The following TOPBP1 variants were observed in gnomAD, a reference collection of about 807,000 sequenced individuals.
The protein encoded by TOPBP1 is DNA topoisomerase 2-binding protein 1.
TOPBP1 carries 28 observed loss-of-function variants against 167.7 expected under a neutral mutation model. That is an observed-to-expected ratio of 0.17 (90% CI 0.12 to 0.23). TOPBP1 has a LOEUF of 0.23. Ranked by LOEUF, TOPBP1 falls within the 10% of genes least tolerant of loss-of-function variation. The pLI, the probability that TOPBP1 is intolerant of heterozygous loss-of-function variation, is 1.00. For missense variants in TOPBP1, 1,554 were observed against 1,809.6 expected, an observed-to-expected ratio of 0.86 and a Z score of 2.56; for synonymous variants, 598 against 611.4, an observed-to-expected ratio of 0.98 and a Z score of 0.32.
At chr3:133,608,837 C>A in intron 26 of TOPBP1, 36 bp downstream of exon 26, 1 of 1,585,098 alleles carries the variant, frequency 6.3e-7, no homozygotes. Flanking sequence ...GATGATTATT[C>A]ATGTAAAAAG....
At chr3:133,618,093 C>T in intron 21 of TOPBP1, 120 bp downstream of exon 21, 1 of 815,928 alleles carries the variant, frequency 1.2e-6, no homozygotes, top group Non-Finnish European at 1.9e-6. Context: ...CCAGAAATAT[C>T]TACGAAGTTT....
At chr3:133,659,762 T>TTATA (rs10662614) in intron 2 of TOPBP1, among the ~76,000 whole-genome samples, 108 of 151,582 alleles carry the variant, frequency 7.1e-4, no homozygotes, top group Middle Eastern at 6.9e-3. Flanking sequence ...AAATACGTAT[T>TTATA]TATATATATA....
At chr3:133,658,662 A>G (rs146189271) in intron 3 of TOPBP1, among the ~76,000 whole-genome samples, 143 of 152,102 alleles carry the variant, frequency 9.4e-4, no homozygotes, top group African/African-American at 3.3e-3. Flanking sequence ...TAAAAAAATC[A>G]GCCGGGTGTG....
At chr3:133,609,838 G>T (rs531695255) in intron 25 of TOPBP1, among the ~76,000 whole-genome samples, 1 of 152,148 alleles carries the variant, frequency 6.6e-6, no homozygotes, top group Non-Finnish European at 1.5e-5. Context: ...GCGTGAGAAC[G>T]AACTAATACA....
chr3:133,606,207 A>G (rs545976409), intron 27 of TOPBP1, among the ~76,000 whole-genome samples: 15 of 152,306 alleles, frequency 9.8e-5, no homozygotes, highest in African/African-American at 3.6e-4. Context: ...AAATAATAAT[A>G]TACAAAATTT....
intron 17 of TOPBP1, among the ~76,000 whole-genome samples, 152 bp from the exon 18 acceptor site, chr3:133,623,609 G>A (rs1185118215): frequency 2.0e-5 from 3 of 152,178 alleles, no homozygotes; most frequent in Admixed American, 6.5e-5. Flanking sequence ...TGAAAAATTT[G>A]CATCATACAA....
chr3:133,619,981 C>G (rs1342199675), intron 20 of TOPBP1, among the ~76,000 whole-genome samples, 174 bp downstream of exon 20: 1 of 152,140 alleles, frequency 6.6e-6, no homozygotes, highest in Non-Finnish European at 1.5e-5. Context: ...AAGGCCTAGG[C>G]ATATAACCCC....
chr3:133,655,002 T>C (rs1936429364), intron 6 of TOPBP1, among the ~76,000 whole-genome samples: 1 of 152,090 alleles, frequency 6.6e-6, no homozygotes. Flanking sequence ...TTGAGGTCAG[T>C]TAGAGACCAG....
At chr3:133,634,762 C>A (rs1258175701) in intron 14 of TOPBP1, among the ~76,000 whole-genome samples, 1 of 152,034 alleles carries the variant, frequency 6.6e-6, no homozygotes, top group Non-Finnish European at 1.5e-5. Flanking sequence ...TATGAACATG[C>A]AGAACTCAAG....
chr3:133,630,820 C>A (rs1935448249), intron 14 of TOPBP1, among the ~76,000 whole-genome samples: 1 of 152,184 alleles, frequency 6.6e-6, no homozygotes, highest in African/African-American at 2.4e-5. Context: ...TATAGTTAGG[C>A]CTTCCCCACA....
intron 23 of TOPBP1, among the ~76,000 whole-genome samples, chr3:133,613,722 G>A (rs11709404): frequency 0.14 from 21,182 of 151,374 alleles, 1,812 homozygotes; most frequent in Non-Finnish European, 0.2. Flanking sequence ...AAGCATGGCT[G>A]TTGATTTATA....
chr3:133,615,900 C>A (rs1934855202), intron 23 of TOPBP1, among the ~76,000 whole-genome samples: 1 of 152,082 alleles, frequency 6.6e-6, no homozygotes, highest in Non-Finnish European at 1.5e-5. Context: ...GCCAATGCAC[C>A]CAGCCTCTTT....
chr3:133,661,895 A>G lies in TOPBP1; in HGVS notation c.-134T>C, dbSNP rs1936736205. On this transcript the variant is annotated 5_prime_UTR_variant, in exon 1 of 28. Coordinates refer to ENST00000260810, the MANE Select transcript of TOPBP1 (RefSeq NM_007027.4). Reference sequence around the variant, plus strand: ...CCGACTCGGCGCCGCCCCTACCCCAAAGCAAACGCTGGAGAACCCGGAAAT... The same window carrying G: ...CCGACTCGGCGCCGCCCCTACCCCAGAGCAAACGCTGGAGAACCCGGAAAT... 6.6e-6 allele frequency: 1 copy of G among 152,218 alleles called. No individual in the cohort carries two copies. The highest frequency in any genetic ancestry group is 1.5e-5 in the Non-Finnish European group (1 of 68,030). The allele number at this position is 152,218 out of a possible 1,614,324, so 9.4% of individuals were successfully genotyped here.
chr3:133,613,860 C>A lies in TOPBP1; in HGVS notation c.3872-1308G>T, dbSNP rs1222191088. ...GAGTGCAGGAGTGCAGTGGCGCGAT[C>A]TCGACTCACTGCAACCTCTGCTTCC... is the stretch of plus-strand genomic sequence containing the variant. On this transcript the variant is annotated intron_variant, in intron 23 of 27. Coordinates refer to ENST00000260810, the MANE Select transcript of TOPBP1 (RefSeq NM_007027.4). Among the ~76,000 whole-genome samples the A allele has an allele frequency of 3.4e-5, 5 of 147,514 alleles. No individual in the cohort carries two copies. The South Asian group carries it at 8.4e-4, about 25-fold the overall frequency.
chr3:133,649,434 G>T lies in TOPBP1; in HGVS notation c.1453C>A (p.Gln485Lys). Reference sequence around the variant, plus strand: ...TGAGAGAGCAGATCTTCATCAGCTTGCTCATGCTTTTCACTAGGAGCAAAG... The same window carrying T: ...TGAGAGAGCAGATCTTCATCAGCTTTCTCATGCTTTTCACTAGGAGCAAAG... ...KDFAPSEKHEQADEDLLSQYE... is the reference protein window; with the variant it reads ...KDFAPSEKHEKADEDLLSQYE... The change falls in exon 10 of 28, where the codon CAA (glutamine) becomes AAA (lysine). Residue 485 changes from glutamine to lysine, a missense_variant. Physicochemically the swap from Gln to Lys is moderately conservative, Grantham distance 53. This residue lies in a region of TOPBP1 where 1,197 missense variants were observed against 1,351.5 expected (regional missense o/e 0.89). Transcript: ENST00000260810. 6.2e-7 allele frequency: 1 copy of T among 1,613,786 alleles called. No individual in the cohort carries two copies. The highest frequency in any genetic ancestry group is 8.5e-7 in the Non-Finnish European group (1 of 1,179,860).
At position 133,617,171 on chromosome 3, in the gene TOPBP1, G is replaced by A; in HGVS notation, c.3748C>T (p.Pro1250Ser). ...PLANPPVAPH[P>S]REKIITIEET... ...AAGGATCAACAAACCTTTTCTCTAG[G>A]GTGCGGAGCCACAGGGGGGTTGGCG... The change falls in exon 22 of 28, where the codon CCT becomes TCT. Residue 1250 changes from proline (P) to serine (S), a missense_variant. Pro to Ser is a moderately conservative substitution (Grantham distance 74). Around this residue, in one of 3 missense-constraint regions of TOPBP1, gnomAD observed 351 missense variants for 432.9 expected, o/e 0.81. Coordinates refer to ENST00000260810, the MANE Select transcript of TOPBP1 (RefSeq NM_007027.4). 6.2e-7 allele frequency: 1 copy of A among 1,609,230 alleles called. No homozygotes were observed. The highest frequency in any genetic ancestry group is 2.2e-5 in the East Asian group (1 of 44,806).
intron 16 of TOPBP1, among the ~76,000 whole-genome samples, chr3:133,624,823 A>T (rs1275237039): frequency 6.6e-6 from 1 of 152,196 alleles, no homozygotes; most frequent in African/African-American, 2.4e-5. Context: ...TATTACATTA[A>T]TCTTAAAGAT....
Position 133,652,579 on chromosome 3 carries a change from C to G in TOPBP1, c.973G>C (p.Val325Leu), listed in dbSNP as rs199552139. The G allele has an allele frequency of 2.5e-6, 4 of 1,611,276 alleles. No individual in the cohort carries two copies. The highest frequency in any genetic ancestry group is 2.5e-6 in the Non-Finnish European group (3 of 1,179,600). ...SNISNINASC[V>L]SESICNSLNS... ...AGTGAATTACATATTGATTCACTTA[C>G]GCAACTTGCATTTATGTTGGAAATA... Residue 325 changes from valine (V) to leucine (L), a missense_variant, in exon 8 of 28, where the codon GTA (valine) becomes CTA (leucine). Transcript: ENST00000260810.
chr3:133,642,802 G>C (rs972216201), intron 12 of TOPBP1, among the ~76,000 whole-genome samples: 1 of 152,106 alleles, frequency 6.6e-6, no homozygotes, highest in Admixed American at 6.6e-5. Flanking sequence ...ATGTTACCCT[G>C]ATGCAAACTG....
Sources: allele counts gnomAD v4.1 joint callset (sites outside exome capture counted in the v4.1 genomes callset), GRCh38; gene constraint gnomAD v4.1.1; regional missense constraint gnomAD v4.1.1; transcripts MANE v1.5; gene names NCBI Gene and HGNC (gene_info 2026-07-23, HGNC 2026-07-21).